BATF3: variants seen among roughly 807,000 people sequenced by gnomAD.
BATF3 encodes the protein basic leucine zipper transcriptional factor ATF-like 3.
A neutral mutation model predicts 16.1 loss-of-function variants in BATF3; 8 were observed. The ratio of observed to expected loss-of-function variants is 0.50; its 90% CI spans 0.29 to 0.90. The LOEUF is 0.90. Ranked by LOEUF, BATF3 falls within the 40% of genes least tolerant of loss-of-function variation. The pLI is 0.08. For synonymous variants in BATF3, 74 were observed against 72.7 expected, an observed-to-expected ratio of 1.02 and a Z score of -0.09; for missense variants, 139 against 167.0, an observed-to-expected ratio of 0.83 and a Z score of 0.92.
At position 212,699,052 on chromosome 1, in the gene BATF3, T is replaced by G. The variant is rs1301338983; in HGVS notation, c.90+621A>C. On this transcript the variant is annotated intron_variant, in intron 1 of 2. Transcript: ENST00000243440. This position sits in a 1 kb window ranked among gnomAD's most constrained non-coding sequence, Gnocchi z 4.4. ...GACCCAGTCTTCGTCGTAAGGCAGG[T>G]GGCCAAGACCCAGGCAAAGTTTCCA... 6.6e-6 allele frequency among the ~76,000 whole-genome samples: 1 copy of G among 152,210 alleles called. No homozygotes were observed. The highest frequency in any genetic ancestry group is 1.5e-5 in the Non-Finnish European group (1 of 68,030).
intron 2 of BATF3, among the ~76,000 whole-genome samples, chr1:212,690,096 C>T (rs371282849): frequency 1.9e-4 from 29 of 152,250 alleles, no homozygotes; most frequent in African/African-American, 6.7e-4. Context: ...ACACACTCCA[C>T]CCTGCAGCAG....
intron 2 of BATF3, among the ~76,000 whole-genome samples, chr1:212,694,039 AG>A (rs1433300197): frequency 3.3e-5 from 5 of 152,224 alleles, no homozygotes; most frequent in Non-Finnish European, 4.4e-5. Flanking sequence ...TAAGTGAAAG[AG>A]GGTGTCGGGG....
chr1:212,697,765 A>G (rs1274546657), intron 1 of BATF3: 1 of 152,200 alleles, frequency 6.6e-6, no homozygotes, highest in Non-Finnish European at 1.5e-5. Flanking sequence ...AAATCCCTCA[A>G]TAGTGATCAT....
rs1417705762 is a variant in BATF3 at position 212,699,072 on chromosome 1, T to C, written c.90+601A>G. ...GCAGGTGGCCAAGACCCAGGCAAAG[T>C]TTCCAGACGGCCGTCCCTGTGGCCA... On this transcript the variant is annotated intron_variant, in intron 1 of 2. Transcript: ENST00000243440. This position sits in a 1 kb window ranked among gnomAD's most constrained non-coding sequence, Gnocchi z 4.4. Among the ~76,000 whole-genome samples the C allele has an allele frequency of 1.3e-5, 2 of 152,202 alleles. No individual in the cohort carries two copies. The highest frequency in any genetic ancestry group is 6.5e-5 in the Admixed American group (1 of 15,282).
chr1:212,690,746 G>A (rs1446149862), intron 2 of BATF3, among the ~76,000 whole-genome samples: 1 of 152,200 alleles, frequency 6.6e-6, no homozygotes, highest in Non-Finnish European at 1.5e-5. Flanking sequence ...TTTGCCATGG[G>A]AGGGTTTGAG....
intron 2 of BATF3, among the ~76,000 whole-genome samples, chr1:212,688,108 C>G (rs947670227): frequency 3.3e-5 from 5 of 151,672 alleles, no homozygotes; most frequent in Non-Finnish European, 7.4e-5. Context: ...GATCCAAACA[C>G]TCTCACTTTC....
chr1:212,686,921 G>A lies in BATF3; in HGVS notation c.254C>T (p.Thr85Ile). 1 of 1,614,072 alleles carries A rather than the reference G, an allele frequency of 6.2e-7. No individual in the cohort carries two copies. ...TMLRREIGKL[T>I]EELKHLTEAL... is the part of the protein sequence containing the mutation. ...CTCTGTCAGGTGCTTCAGCTCCTCTGTCAGCTTCCCGATCTCTCTCCGCAG... is the reference window on the plus strand; with the variant it reads ...CTCTGTCAGGTGCTTCAGCTCCTCTATCAGCTTCCCGATCTCTCTCCGCAG... Residue 85 changes from threonine (T) to isoleucine (I), a missense_variant, in exon 3 of 3, where the codon ACA becomes ATA. By Grantham distance (89) the Thr-to-Ile change is moderately conservative. Coordinates refer to ENST00000243440, the MANE Select transcript of BATF3 (RefSeq NM_018664.3).
Position 212,699,262 on chromosome 1 carries a change from C to CCCG in BATF3, c.90+410_90+411insCGG, listed in dbSNP as rs1553247702. On this transcript the variant is annotated intron_variant, in intron 1 of 2. Coordinates refer to ENST00000243440, the MANE Select transcript of BATF3 (RefSeq NM_018664.3). The surrounding 1 kb of genome is among the most constrained non-coding windows in gnomAD (Gnocchi z 4.4). ...TCTCCATTCCCGCGGCAGCACCCCC[C>CCCG]CCACCCGGGGGAATCCTGGAGGGGC... Among the ~76,000 whole-genome samples, 9 of 152,286 alleles carry CCCG rather than the reference C, an allele frequency of 5.9e-5. No homozygotes were observed. Among genetic ancestry groups the CCCG allele is most frequent in the African/African-American group, 1.2e-4 (5 of 41,578 alleles).
chr1:212,688,284 C>T (rs1656911259), intron 2 of BATF3, among the ~76,000 whole-genome samples: 1 of 152,192 alleles, frequency 6.6e-6, no homozygotes, highest in South Asian at 2.1e-4. Flanking sequence ...CACCAACACA[C>T]ACTCCAATTT....
intron 2 of BATF3, among the ~76,000 whole-genome samples, chr1:212,695,893 A>G (rs1295004090): frequency 6.6e-6 from 1 of 152,200 alleles, no homozygotes; most frequent in African/African-American, 2.4e-5. Context: ...AGTGATGAGA[A>G]AGATGGTTCG....
At chr1:212,695,355 G>A (rs1164986613) in intron 2 of BATF3, among the ~76,000 whole-genome samples, 2 of 151,610 alleles carry the variant, frequency 1.3e-5, no homozygotes, top group Non-Finnish European at 3.0e-5. Context: ...TTAGGTGGGT[G>A]TAGTGGCGGG....
At chr1:212,695,234 AC>A (rs1042788905) in intron 2 of BATF3, among the ~76,000 whole-genome samples, 11 of 152,054 alleles carry the variant, frequency 7.2e-5, no homozygotes, top group Admixed American at 2.0e-4. Context: ...AGTGGCTCAC[AC>A]CTGTAATCCC....
At chr1:212,696,545 C>T (rs1374526136) in intron 2 of BATF3, among the ~76,000 whole-genome samples, 1 of 151,832 alleles carries the variant, frequency 6.6e-6, no homozygotes, top group Non-Finnish European at 1.5e-5. Flanking sequence ...AATTAAATCA[C>T]AGAGGATTGG....
intron 2 of BATF3, among the ~76,000 whole-genome samples, chr1:212,692,047 A>G (rs1325175239): frequency 6.6e-6 from 1 of 152,224 alleles, no homozygotes; most frequent in Non-Finnish European, 1.5e-5. Flanking sequence ...ACCACTGCCC[A>G]GAAAACTCTG....
In BATF3 at chr1:212,699,285, G is replaced by A. The variant is rs2102404969; in HGVS notation, c.90+388C>T. Reference sequence around the variant, plus strand: ...CCCCCACCCGGGGGAATCCTGGAGGGGCTACAGGCGCGGGTGGTGGGGTGG... The same window carrying A: ...CCCCCACCCGGGGGAATCCTGGAGGAGCTACAGGCGCGGGTGGTGGGGTGG... On this transcript the variant is annotated intron_variant, in intron 1 of 2. Transcript: ENST00000243440. The surrounding 1 kb of genome is among the most constrained non-coding windows in gnomAD (Gnocchi z 4.4). 6.6e-6 allele frequency among the ~76,000 whole-genome samples: 1 copy of A among 152,232 alleles called. No individual in the cohort carries two copies. Among genetic ancestry groups the A allele is most frequent in the African/African-American group, 2.4e-5 (1 of 41,538 alleles).
chr1:212,687,144 C>G (rs1432857388), intron 2 of BATF3, among the ~76,000 whole-genome samples, 165 bp from the exon 3 acceptor site: 1 of 152,170 alleles, frequency 6.6e-6, no homozygotes, highest in African/African-American at 2.4e-5. Flanking sequence ...GTGTCTCCCC[C>G]CTCCCACTGG....
chr1:212,692,779 C>G (rs745544234), intron 2 of BATF3, among the ~76,000 whole-genome samples: 1 of 152,178 alleles, frequency 6.6e-6, no homozygotes, highest in East Asian at 1.9e-4. Flanking sequence ...AAATATCCCC[C>G]CTCAGGATAT....
At chr1:212,698,160 A>C (rs1657176323) in intron 1 of BATF3, 1 of 152,260 alleles carries the variant, frequency 6.6e-6, no homozygotes, top group South Asian at 2.1e-4. Flanking sequence ...TTAAGGGAAC[A>C]AAGTATGATA....
intron 2 of BATF3, among the ~76,000 whole-genome samples, chr1:212,695,696 C>A (rs961975714): frequency 6.6e-6 from 1 of 151,950 alleles, no homozygotes; most frequent in East Asian, 1.9e-4. Flanking sequence ...TTTAATTACA[C>A]ACACCAACCC....
Sources: allele counts gnomAD v4.1 joint callset (sites outside exome capture counted in the v4.1 genomes callset), GRCh38; gene constraint gnomAD v4.1.1; non-coding constraint Gnocchi (gnomAD v3.1); transcripts MANE v1.5; gene names NCBI Gene and HGNC (gene_info 2026-07-23, HGNC 2026-07-21).